FAF1: variants seen among roughly 807,000 people sequenced by gnomAD.
The protein encoded by FAF1 is Fas associated factor 1.
A neutral mutation model predicts 92.5 loss-of-function variants in FAF1; 25 were observed. The ratio of observed to expected loss-of-function variants is 0.27; its 90% CI spans 0.20 to 0.38. The LOEUF (loss-of-function observed/expected upper bound fraction) is 0.38, where lower values mean the gene tolerates loss of function less well. Among genes scored for constraint, FAF1 ranks in the 10% least tolerant of loss-of-function variants. The pLI is 1.00. For missense variants in FAF1, 636 were observed against 793.3 expected (o/e 0.80, Z 2.38); for synonymous variants, 234 against 273.2 (o/e 0.86, Z 1.42).
chr1:50,468,379 G>A (rs981720730), intron 18 of FAF1, among the ~76,000 whole-genome samples: 6 of 151,094 alleles, frequency 4.0e-5, no homozygotes, highest in African/African-American at 9.7e-5. Flanking sequence ...TGCAACCTCC[G>A]CCTCCCAGGT....
At chr1:50,848,283 A>G (rs1644319140) in intron 2 of FAF1, among the ~76,000 whole-genome samples, 2 of 152,266 alleles carry the variant, frequency 1.3e-5, no homozygotes, top group Admixed American at 1.3e-4. Context: ...ATGCAAAAGT[A>G]AATTGCATGA....
chr1:50,557,994 C>T (rs915957535), intron 13 of FAF1, among the ~76,000 whole-genome samples: 2 of 151,876 alleles, frequency 1.3e-5, no homozygotes, highest in African/African-American at 4.8e-5. Flanking sequence ...CTCACTGCAA[C>T]CTCTGGCTCC....
At chr1:50,658,272 T>C (rs1161970746) in intron 7 of FAF1, among the ~76,000 whole-genome samples, 2 of 152,092 alleles carry the variant, frequency 1.3e-5, no homozygotes, top group African/African-American at 4.8e-5. Flanking sequence ...TATCTAGATA[T>C]AACCAACCTT....
intron 12 of FAF1, among the ~76,000 whole-genome samples, chr1:50,573,282 A>G (rs1650540242): frequency 6.6e-6 from 1 of 151,982 alleles, no homozygotes; most frequent in Non-Finnish European, 1.5e-5. Context: ...TGTTTTTAGT[A>G]GAGATGGGGT....
At chr1:50,542,231 T>C (rs775460772) in intron 13 of FAF1, among the ~76,000 whole-genome samples, 4 of 152,190 alleles carry the variant, frequency 2.6e-5, no homozygotes, top group Non-Finnish European at 4.4e-5. Flanking sequence ...GATTTTCAAA[T>C]TGCAATCATC....
rs534060810 is a variant in FAF1, at chr1:50,738,738, T to C, written c.551+125A>G. 73 of 637,470 alleles carry C rather than the reference T, an allele frequency of 1.1e-4. No individual in the cohort carries two copies. The East Asian group carries it at 1.3e-3, about 12-fold the overall frequency. 39.5% of individuals were successfully genotyped at this position (637,470 alleles called of 1,614,324 possible). ...GTTTCAAACCTGATATACTTCATAG[T>C]AGTTGGTAAGGTCAATTTCAACAAG... On this transcript the variant is annotated intron_variant, in intron 6 of 18. Coordinates refer to ENST00000396153, the MANE Select transcript of FAF1 (RefSeq NM_007051.3).
rs535754228 is a variant in FAF1 at position 50,787,017 on chromosome 1, T to C, written c.367+983A>G. Among the ~76,000 whole-genome samples, 4 of 152,146 alleles carry C rather than the reference T, an allele frequency of 2.6e-5. No individual in the cohort carries two copies. In the East Asian group the frequency reaches 7.7e-4, roughly 29 times the overall value. On this transcript the variant is annotated intron_variant, in intron 4 of 18. Transcript: ENST00000396153. ...TCCCCTAAAAGGAAAACAGGGAAAT[T>C]TCCAGAAACATCTAGAATTCAGATT... is the stretch of plus-strand genomic sequence containing the variant.
chr1:50,659,420 G>C (rs1655273636), intron 7 of FAF1, among the ~76,000 whole-genome samples: 1 of 152,184 alleles, frequency 6.6e-6, no homozygotes, highest in African/African-American at 2.4e-5. Flanking sequence ...GAGCACTTTA[G>C]AGAAGTAAAA....
At chr1:50,780,709 A>T (rs1661144713) in intron 4 of FAF1, 1 of 271,458 alleles carries the variant, frequency 3.7e-6, no homozygotes, top group Admixed American at 4.5e-5. Flanking sequence ...ATCATCACAG[A>T]AATCCTCAAG....
At chr1:50,658,949 T>C (rs911643648) in intron 7 of FAF1, among the ~76,000 whole-genome samples, 2 of 152,194 alleles carry the variant, frequency 1.3e-5, no homozygotes, top group East Asian at 3.8e-4. Context: ...AGTGATAAGA[T>C]AGCAAAAGCA....
At chr1:50,823,720 C>T (rs894173239) in intron 2 of FAF1, among the ~76,000 whole-genome samples, 1 of 151,144 alleles carries the variant, frequency 6.6e-6, no homozygotes, top group African/African-American at 2.4e-5. Flanking sequence ...CAAGGAATAT[C>T]GGTTTGGGAC....
At chr1:50,501,395 T>C (rs992516943) in intron 15 of FAF1, among the ~76,000 whole-genome samples, 6 of 152,200 alleles carry the variant, frequency 3.9e-5, no homozygotes, top group Non-Finnish European at 7.3e-5. Context: ...CCAGGCGCAG[T>C]GGCTCACGCC....
intron 13 of FAF1, among the ~76,000 whole-genome samples, chr1:50,540,153 T>A (rs910266645): frequency 4.6e-5 from 7 of 152,032 alleles, no homozygotes; most frequent in Non-Finnish European, 1.0e-4. Flanking sequence ...TTTGTATTTT[T>A]AGTAGAGACA....
At chr1:50,936,151 C>T (rs1430845131) in intron 1 of FAF1, among the ~76,000 whole-genome samples, 1 of 152,152 alleles carries the variant, frequency 6.6e-6, no homozygotes, top group African/African-American at 2.4e-5. Flanking sequence ...TCAGTGAGAA[C>T]GTACTATGTG....
chr1:50,565,156 T>C (rs189853640), intron 13 of FAF1, among the ~76,000 whole-genome samples: 8 of 152,218 alleles, frequency 5.3e-5, no homozygotes, highest in Non-Finnish European at 7.4e-5. Context: ...ATAACACCTT[T>C]TAAATTTGTA....
At chr1:50,443,780 T>C (rs1646196805) in intron 18 of FAF1, among the ~76,000 whole-genome samples, 1 of 152,182 alleles carries the variant, frequency 6.6e-6, no homozygotes, top group African/African-American at 2.4e-5. Context: ...GTTGTAGCCA[T>C]TACTGACTGG....
chr1:50,776,917 A>T lies in FAF1; in HGVS notation c.367+11083T>A, dbSNP rs372993143. ...CCAACTGATATTGTAAAGATAAATA[A>T]CATTACTTTTAAAACGTCAACAGAG... On this transcript the variant is annotated intron_variant, in intron 4 of 18. Transcript: ENST00000396153. 2.6e-5 allele frequency among the ~76,000 whole-genome samples: 4 copies of T among 152,226 alleles called. No homozygotes were observed. The East Asian group carries it at 7.7e-4, about 29-fold the overall frequency.
intron 2 of FAF1, among the ~76,000 whole-genome samples, chr1:50,857,113 C>G (rs1226443716): frequency 6.6e-6 from 1 of 151,464 alleles, no homozygotes; most frequent in East Asian, 1.9e-4. Context: ...TACTTTTAAT[C>G]TGAAAAGAAA....
rs79424702 is a variant in FAF1, at chr1:50,705,709, A to C, written c.657+77T>G. ...CATAAAGAGAATTTCCAACCAGAAC[A>C]GATAAGCCCTCTTTAACAGGGTCAA... is the stretch of plus-strand genomic sequence containing the variant. On this transcript the variant is annotated intron_variant, in intron 7 of 18. Transcript: ENST00000396153. The C allele has an allele frequency of 2.4e-5, 18 of 750,052 alleles. No homozygotes were observed. The East Asian group carries it at 4.0e-4, about 16-fold the overall frequency. 46.5% of individuals were successfully genotyped at this position (750,052 alleles called of 1,614,324 possible). A position where few individuals can be genotyped will look rare whatever the true frequency, so the allele number is the denominator to read the frequency against.
Sources: gnomAD v4.1 joint callset for allele counts (sites outside exome capture counted in the v4.1 genomes callset) on GRCh38, gnomAD v4.1.1 for gene constraint, MANE v1.5 for transcripts, NCBI Gene and HGNC (gene_info 2026-07-23, HGNC 2026-07-21) for gene names.